The following MINK1 variants were observed in gnomAD, a reference collection of about 807,000 sequenced individuals.
MINK1 encodes misshapen-like kinase 1.
MINK1 carries 46 observed loss-of-function variants against 178.4 expected under a neutral mutation model. The observed-to-expected ratio is 0.26, with a 90% CI of 0.20 to 0.33. MINK1 has a LOEUF of 0.33. Ranked by LOEUF, MINK1 falls within the 10% of genes least tolerant of loss-of-function variation. The probability of loss-of-function intolerance (pLI) is 1.00; values close to 1 mark genes in which losing one functional copy is unlikely to be tolerated. For missense variants in MINK1, 1,366 were observed against 1,814.9 expected (o/e 0.75, Z 4.49); for synonymous variants, 797 against 709.7 (o/e 1.12, Z -1.96).
At chr17:4,868,490 A>T (rs2150931029) in intron 1 of MINK1, among the ~76,000 whole-genome samples, 1 of 152,166 alleles carries the variant, frequency 6.6e-6, no homozygotes, top group African/African-American at 2.4e-5. Flanking sequence ...TAGTCTCCAT[A>T]TATGAGAGAG....
Position 4,892,391 on chromosome 17 carries a change from T to A in MINK1, c.2088-11T>A. The A allele has an allele frequency of 6.8e-7, 1 of 1,469,640 alleles. No individual in the cohort carries two copies. The highest frequency in any genetic ancestry group is 1.2e-5 in the South Asian group (1 of 82,684). The allele number at this position is 1,469,640 out of a possible 1,614,324, so 91.0% of individuals were successfully genotyped here. On this transcript the variant is annotated splice_polypyrimidine_tract_variant and intron_variant, in intron 17 of 31. Coordinates refer to ENST00000355280, the MANE Select transcript of MINK1 (RefSeq NM_153827.5). ...CGCCGCCCCCTCGGCACCCCTGTGC[T>A]CCCTTCACAGACCTCGCAGCAACTC...
At chr17:4,851,763 G>T (rs1912001389) in intron 1 of MINK1, among the ~76,000 whole-genome samples, 1 of 152,044 alleles carries the variant, frequency 6.6e-6, no homozygotes, top group East Asian at 1.9e-4. Context: ...CACTTTAGGA[G>T]GCCAAGGTGG....
chr17:4,857,228 C>A, intron 1 of MINK1: 1 of 283,186 alleles, frequency 3.5e-6, no homozygotes, highest in Non-Finnish European at 7.2e-6. Context: ...TCATGTGGAT[C>A]AGCTCTGGCC....
chr17:4,886,662 G>C lies in MINK1; in HGVS notation c.949+36G>C. ...AGGCTGGAGGGGGCAGGTACTAGGG[G>C]ACACTCCAGCCTGGCTCCTCTCTGC... On this transcript the variant is annotated intron_variant, in intron 10 of 31. Transcript: ENST00000355280. The surrounding 1 kb of genome is among the most constrained non-coding windows in gnomAD (Gnocchi z 6.1). 1 of 1,531,844 alleles carries C rather than the reference G, an allele frequency of 6.5e-7. No homozygotes were observed. The highest frequency in any genetic ancestry group is 8.8e-7 in the Non-Finnish European group (1 of 1,139,924). 94.9% of individuals were successfully genotyped at this position (1,531,844 alleles called of 1,614,324 possible). A position where few individuals can be genotyped will look rare whatever the true frequency, so the allele number is the denominator to read the frequency against.
rs750133641 is a variant in MINK1 at position 4,887,072 on chromosome 17, G to A, written c.950-38G>A. ...TTCCCTAGCCCACGGCGGGTCTGGG[G>A]CGCTGGGTGAGATAACTGCAGTGGC... is the stretch of plus-strand genomic sequence containing the variant. On this transcript the variant is annotated intron_variant, in intron 10 of 31. Transcript: ENST00000355280. The surrounding 1 kb of genome is among the most constrained non-coding windows in gnomAD (Gnocchi z 7.6). The A allele has an allele frequency of 7.7e-6, 12 of 1,555,204 alleles. No individual in the cohort carries two copies. The highest frequency in any genetic ancestry group is 2.4e-5 in the East Asian group (1 of 41,586).
intron 19 of MINK1, 100 bp downstream of exon 19, chr17:4,892,868 G>A: frequency 7.2e-7 from 1 of 1,384,352 alleles, no homozygotes; most frequent in Non-Finnish European, 1.0e-6. Context: ...ACACGGACAG[G>A]GAGGACCTGT....
Position 4,891,105 on chromosome 17 carries a change from C to T in MINK1, c.1721C>T (p.Pro574Leu). The stretch of plus-strand genomic sequence containing the variant: ...CCTCCTATGCAGAGGCCGGTGGAGC[C>T]CCAGGAGGGACCGCACAAGGTGAGT... ...QTPPMQRPVE[P>L]QEGPHKSLVA... Residue 574 changes from proline to leucine, a missense_variant, in exon 15 of 32, where the codon CCC becomes CTC. Physicochemically the swap from Pro to Leu is moderately conservative, Grantham distance 98. Around this residue, in one of 14 missense-constraint regions of MINK1, gnomAD observed 709 missense variants for 692.3 expected, o/e 1.02. Coordinates refer to ENST00000355280, the MANE Select transcript of MINK1 (RefSeq NM_153827.5). 6.5e-7 allele frequency: 1 copy of T among 1,541,504 alleles called. No individual in the cohort carries two copies. Among genetic ancestry groups the T allele is most frequent in the South Asian group, 1.2e-5 (1 of 83,008 alleles).
At chr17:4,848,193 T>C (rs1911331328) in intron 1 of MINK1, among the ~76,000 whole-genome samples, 1 of 152,148 alleles carries the variant, frequency 6.6e-6, no homozygotes, top group African/African-American at 2.4e-5. Flanking sequence ...GGGATTGACT[T>C]GTGAAGACAG....
intron 1 of MINK1, chr17:4,859,048 C>T: frequency 1.2e-6 from 1 of 865,124 alleles, no homozygotes; most frequent in South Asian, 5.3e-5. Flanking sequence ...AGGATGGCAC[C>T]TTGCCTGGGT....
chr17:4,884,264 C>T (rs187934334), intron 4 of MINK1, 99 bp from the exon 5 acceptor site: 1 of 897,260 alleles, frequency 1.1e-6, no homozygotes, highest in African/African-American at 1.6e-5. Flanking sequence ...ACCCCAAGGT[C>T]TCTTATCCTC....
chr17:4,889,776 A>G lies in MINK1; in HGVS notation c.1347+13A>G, dbSNP rs750668421. The stretch of plus-strand genomic sequence containing the variant: ...GGAGCGCGAGCAGGTAGAGCGCCGC[A>G]CCCGCATCCCTGCCCTCCCGCCCTC... On this transcript the variant is annotated intron_variant, in intron 13 of 31. Transcript: ENST00000355280. 8 of 1,514,428 alleles carry G rather than the reference A, an allele frequency of 5.3e-6. No homozygotes were observed. The East Asian group carries it at 2.0e-4, about 37-fold the overall frequency. The allele number at this position is 1,514,428 out of a possible 1,614,324, so 93.8% of individuals were successfully genotyped here.
chr17:4,889,429 G>A (rs1968545109), intron 12 of MINK1, among the ~76,000 whole-genome samples: 1 of 152,130 alleles, frequency 6.6e-6, no homozygotes, highest in Non-Finnish European at 1.5e-5. Context: ...GCAGCAGTCA[G>A]TCTCACAGCC....
At chr17:4,884,316 C>A (rs373202520) in intron 4 of MINK1, 47 bp from the exon 5 acceptor site, 5 of 1,502,628 alleles carry the variant, frequency 3.3e-6, no homozygotes, top group Non-Finnish European at 4.6e-6. Flanking sequence ...GGTGGGAGGG[C>A]TTGTCTGACT....
At chr17:4,873,713 A>C (rs898671475) in intron 1 of MINK1, among the ~76,000 whole-genome samples, 1 of 145,712 alleles carries the variant, frequency 6.9e-6, no homozygotes, top group African/African-American at 2.6e-5. Context: ...CCACCTCCTG[A>C]GTTCAAGCGA....
chr17:4,896,794 T>C lies in MINK1; in HGVS notation c.3896T>C (p.Leu1299Pro), dbSNP rs1969549515. The change falls in exon 31 of 32, where the codon CTG (leucine) becomes CCG (proline). Residue 1299 changes from leucine (L) to proline (P), a missense_variant. By Grantham distance (98) the Leu-to-Pro change is moderately conservative. Around this residue, in one of 14 missense-constraint regions of MINK1, gnomAD observed 201 missense variants for 240.7 expected, o/e 0.84. Transcript: ENST00000355280. This position sits in a 1 kb window ranked among gnomAD's most constrained non-coding sequence, Gnocchi z 4.6. ...AAACGAGCTCAGAGGCTCAAGTTCC[T>C]GTGTGAGCGGAATGACAAGGTGGGA... ...MHKRAQRLKF[L>P]CERNDKVFFA... 1 of 1,569,952 alleles carries C rather than the reference T, an allele frequency of 6.4e-7. No individual in the cohort carries two copies. Among genetic ancestry groups the C allele is most frequent in the Non-Finnish European group, 8.6e-7 (1 of 1,158,902 alleles).
At chr17:4,867,883 G>A (rs1915274239) in intron 1 of MINK1, among the ~76,000 whole-genome samples, 1 of 151,818 alleles carries the variant, frequency 6.6e-6, no homozygotes, top group South Asian at 2.1e-4. Flanking sequence ...TTTGATACAT[G>A]CATACTATGT....
chr17:4,875,023 C>A, intron 1 of MINK1: 1 of 519,838 alleles, frequency 1.9e-6, no homozygotes, highest in Non-Finnish European at 3.8e-6. Context: ...AAAATTATGA[C>A]CCTAGATCCT....
rs777892585 is a variant in MINK1 at position 4,889,799 on chromosome 17, C to G, written c.1347+36C>G. The G allele has an allele frequency of 9.7e-6, 14 of 1,443,036 alleles. No individual in the cohort carries two copies. The South Asian group carries it at 1.9e-4, about 19-fold the overall frequency. The allele number at this position is 1,443,036 out of a possible 1,614,324, so 89.4% of individuals were successfully genotyped here. On this transcript the variant is annotated intron_variant, in intron 13 of 31. Coordinates refer to ENST00000355280, the MANE Select transcript of MINK1 (RefSeq NM_153827.5). ...GCACCCGCATCCCTGCCCTCCCGCC[C>G]TCCCGCTCCTGCTGCCTGCCGCCCC...
At chr17:4,858,837 T>C (rs1913619478) in intron 1 of MINK1, among the ~76,000 whole-genome samples, 1 of 152,214 alleles carries the variant, frequency 6.6e-6, no homozygotes, top group Non-Finnish European at 1.5e-5. Flanking sequence ...GTATGGTTAG[T>C]AACAGCAGGA....
Sources: allele counts gnomAD v4.1 joint callset (sites outside exome capture counted in the v4.1 genomes callset), GRCh38; gene constraint gnomAD v4.1.1; regional missense constraint gnomAD v4.1.1; non-coding constraint Gnocchi (gnomAD v3.1); transcripts MANE v1.5; gene names NCBI Gene and HGNC (gene_info 2026-07-23, HGNC 2026-07-21).